PEG3: variants seen among roughly 807,000 people sequenced by gnomAD.
PEG3 encodes paternally-expressed gene 3 protein.
Under a neutral mutation model 35.5 loss-of-function variants are expected in PEG3, and 23 were observed. The observed-to-expected ratio is 0.65, with a 90% CI of 0.47 to 0.92. The LOEUF is 0.92. Ranked by LOEUF, PEG3 falls within the 40% of genes least tolerant of loss-of-function variation. PEG3 has a pLI of 0.00. For missense variants in PEG3, 1,960 were observed against 1,985.3 expected, an observed-to-expected ratio of 0.99 and a Z score of 0.24; for synonymous variants, 707 against 697.0, an observed-to-expected ratio of 1.01 and a Z score of -0.23.
chr19:56,840,155 C>T (rs1381065687), intron 1 of PEG3, among the ~76,000 whole-genome samples: 1 of 152,202 alleles, frequency 6.6e-6, no homozygotes. Context: ...CCGCATTCCG[C>T]CGTGGCAACA....
At position 56,815,276 on chromosome 19, in the gene PEG3, C is replaced by T. The variant is rs2059869580; in HGVS notation, c.3166G>A (p.Glu1056Lys). 2 of 1,614,246 alleles carry T rather than the reference C, an allele frequency of 1.2e-6. No individual in the cohort carries two copies. Among genetic ancestry groups the T allele is most frequent in the Non-Finnish European group, 1.7e-6 (2 of 1,180,048 alleles). ...TGAGACTCCTCGCCATGAGACTTCTCTTGGTCATAGATTTTCTGGTTTGTG... is the reference window on the plus strand; with the variant it reads ...TGAGACTCCTCGCCATGAGACTTCTTTTGGTCATAGATTTTCTGGTTTGTG... ...LNTNQKIYDQ[E>K]KSHGEESQGE... Residue 1056 changes from glutamate (E) to lysine (K), a missense_variant, in exon 10 of 10, where the codon GAG (glutamate) becomes AAG (lysine). Transcript: ENST00000326441.
intron 2 of PEG3, among the ~76,000 whole-genome samples, chr19:56,829,732 A>G (rs1241396017): frequency 1.3e-5 from 2 of 152,220 alleles, no homozygotes; most frequent in African/African-American, 4.8e-5. Context: ...AAGGGCAACT[A>G]GCAGTGGGGC....
chr19:56,834,742 C>T (rs760600493), intron 2 of PEG3, among the ~76,000 whole-genome samples: 4 of 152,140 alleles, frequency 2.6e-5, no homozygotes, highest in Non-Finnish European at 5.9e-5. Flanking sequence ...CCCAAGGGCT[C>T]ACCTGGTCAT....
chr19:56,834,246 G>A (rs1320741081), intron 2 of PEG3, among the ~76,000 whole-genome samples: 1 of 152,134 alleles, frequency 6.6e-6, no homozygotes, highest in Non-Finnish European at 1.5e-5. Flanking sequence ...ACTCTCATCA[G>A]ACCTAACTTG....
chr19:56,821,674 T>G lies in PEG3; in HGVS notation c.646A>C (p.Arg216=). 6.2e-7 allele frequency: 1 copy of G among 1,614,008 alleles called. No individual in the cohort carries two copies. The highest frequency in any genetic ancestry group is 8.5e-7 in the Non-Finnish European group (1 of 1,180,000). Residue 216 remains arginine (R), a synonymous_variant, in exon 7 of 10, where the codon AGG becomes CGG. Transcript: ENST00000326441. ...ACCTGAGATCGGGACTCATAAGCCC[T>G]GGAGTCCCTGTCGTCCTCTCTGTCC... ...EMDREDDRDS[R]AYESRSQDAE... is the part of the protein sequence containing the mutation.
intron 2 of PEG3, among the ~76,000 whole-genome samples, chr19:56,827,318 T>C (rs2061138328): frequency 6.6e-6 from 1 of 152,160 alleles, no homozygotes; most frequent in Admixed American, 6.5e-5. Context: ...AATCTTCCCT[T>C]AACATGCTCA....
chr19:56,838,603 C>T (rs1380512959), intron 1 of PEG3, among the ~76,000 whole-genome samples: 1 of 152,200 alleles, frequency 6.6e-6, no homozygotes. Context: ...AGGGGTGAGC[C>T]TCTGCCACCG....
In PEG3 at chr19:56,815,997, A is replaced by G; in HGVS notation, c.2445T>C (p.His815=). 1 of 1,587,778 alleles carries G rather than the reference A, an allele frequency of 6.3e-7. No individual in the cohort carries two copies. The highest frequency in any genetic ancestry group is 1.2e-5 in the South Asian group (1 of 86,162). The change falls in exon 10 of 10, where the codon CAT becomes CAC. Residue 815 remains histidine, a synonymous_variant. Coordinates refer to ENST00000326441, the MANE Select transcript of PEG3 (RefSeq NM_006210.3). ...STIQSFDAIN[H]QRVRAGGNTS... ...TGTTCCCTCCAGCACGAACTCTCTGATGGTTGATAGCATCGAAGCTCTGAA... is the reference window on the plus strand; with the variant it reads ...TGTTCCCTCCAGCACGAACTCTCTGGTGGTTGATAGCATCGAAGCTCTGAA...
intron 2 of PEG3, chr19:56,833,414 CCT>C (rs1453108394): frequency 5.9e-6 from 2 of 339,140 alleles, no homozygotes; most frequent in African/African-American, 4.3e-5. Flanking sequence ...CATTCTCCTG[CCT>C]CTCTCTGCAG....
At position 56,823,691 on chromosome 19, in the gene PEG3, C is replaced by G. The variant is rs1439916001; in HGVS notation, c.395-12G>C. 3 of 1,614,110 alleles carry G rather than the reference C, an allele frequency of 1.9e-6. No individual in the cohort carries two copies. Among genetic ancestry groups the G allele is most frequent in the Non-Finnish European group, 2.5e-6 (3 of 1,179,970 alleles). On this transcript the variant is annotated splice_polypyrimidine_tract_variant and intron_variant, in intron 4 of 9. Transcript: ENST00000326441. ...ACTGTTGTTGTCGTCTAAGAGGACA[C>G]CGGTCGCCAAGTTACTATCTCTGGC...
chr19:56,823,826 C>A lies in PEG3; in HGVS notation c.395-147G>T, dbSNP rs1348055578. 4.2e-6 allele frequency: 4 copies of A among 959,892 alleles called. No individual in the cohort carries two copies. The South Asian group carries it at 4.6e-5, about 11-fold the overall frequency. 59.5% of individuals were successfully genotyped at this position (959,892 alleles called of 1,614,324 possible). A position where few individuals can be genotyped will look rare whatever the true frequency, so the allele number is the denominator to read the frequency against. ...CATTTCTGAGTTCAAAACCCTTCAG[C>A]GGCTTCCAACCACTCCTGGCATACT... On this transcript the variant is annotated intron_variant, in intron 4 of 9. Coordinates refer to ENST00000326441, the MANE Select transcript of PEG3 (RefSeq NM_006210.3).
At chr19:56,823,342 G>A (rs1031355483) in intron 5 of PEG3, among the ~76,000 whole-genome samples, 1 of 152,200 alleles carries the variant, frequency 6.6e-6, no homozygotes, top group African/African-American at 2.4e-5. Context: ...GCAGCCTGTT[G>A]CAAATTCCAA....
chr19:56,814,279 T>C lies in PEG3; in HGVS notation c.4163A>G (p.Gln1388Arg). 1 of 1,613,224 alleles carries C rather than the reference T, an allele frequency of 6.2e-7. No homozygotes were observed. Among genetic ancestry groups the C allele is most frequent in the Admixed American group, 1.7e-5 (1 of 59,982 alleles). Residue 1388 changes from glutamine (Q) to arginine (R), a missense_variant, in exon 10 of 10, where the codon CAG (glutamine) becomes CGG (arginine). Transcript: ENST00000326441. The surrounding 1 kb of genome is among the most constrained non-coding windows in gnomAD (Gnocchi z 5.8). ...CTCAGCAGCCTCTACGTTTAAGCCC[T>C]GAATCCTCAGAACTACTTGTGGAAC... ...VHVPQVVLRI[Q>R]GLNVEAAEPE...
chr19:56,824,853 T>G lies in PEG3; in HGVS notation c.-86-112A>C, dbSNP rs939547502. 8.9e-6 allele frequency: 5 copies of G among 562,158 alleles called. No individual in the cohort carries two copies. In the East Asian group the frequency reaches 1.4e-4, roughly 16 times the overall value. The allele number at this position is 562,158 out of a possible 1,614,324, so 34.8% of individuals were successfully genotyped here. Reference sequence around the variant, plus strand: ...GCTTTTGGGATATGGGAGTCCCCAGTAAATAGGCAAACAACCGCACAAAGT... The same window carrying G: ...GCTTTTGGGATATGGGAGTCCCCAGGAAATAGGCAAACAACCGCACAAAGT... On this transcript the variant is annotated intron_variant, in intron 3 of 9. Transcript: ENST00000326441.
chr19:56,840,207 G>A (rs903660683), intron 1 of PEG3, among the ~76,000 whole-genome samples: 14 of 152,220 alleles, frequency 9.2e-5, no homozygotes, highest in Non-Finnish European at 1.6e-4. Flanking sequence ...TGCCGTGGCA[G>A]AGCCCCCGGC....
rs141987198 is a variant in PEG3 at position 56,814,236 on chromosome 19, G to A, written c.4206C>T (p.Ala1402=). ...GCTCAGCAGCCTCCACTTCTGGCTC[G>A]GCAGCCTCCACTTCTGGCTCAGCAG... ...VEAAEPEVEA[A]EPEVEAAEPE... is the part of the protein sequence containing the mutation. The change falls in exon 10 of 10, where the codon GCC becomes GCT. Residue 1402 remains alanine (A), a synonymous_variant. Transcript: ENST00000326441. This position sits in a 1 kb window ranked among gnomAD's most constrained non-coding sequence, Gnocchi z 5.8. The A allele has an allele frequency of 7.3e-5, 117 of 1,611,216 alleles. No homozygotes were observed. The highest frequency in any genetic ancestry group is 1.6e-4 in the African/African-American group (12 of 74,590).
Position 56,818,604 on chromosome 19 carries a change from G to C in PEG3, c.768C>G (p.Ser256=). Residue 256 remains serine, a synonymous_variant, in exon 8 of 10, where the codon TCC becomes TCG. Transcript: ENST00000326441. ...DNMENYRKLL[S]LVQLAEDDGH... ...CTGAGAGAAGCAGCTGCTTACCGAG[G>C]GAGAGCAGCTTCCTGTAGTTTTCCA... 3 of 1,614,092 alleles carry C rather than the reference G, an allele frequency of 1.9e-6. No homozygotes were observed. Among genetic ancestry groups the C allele is most frequent in the Non-Finnish European group, 2.5e-6 (3 of 1,180,022 alleles).
chr19:56,838,844 G>A (rs2062554096), intron 1 of PEG3, among the ~76,000 whole-genome samples: 1 of 152,152 alleles, frequency 6.6e-6, no homozygotes, highest in Admixed American at 6.5e-5. Context: ...AGCAACCGTG[G>A]CCCCGCCCCT....
At chr19:56,839,532 GC>G (rs967666676) in intron 1 of PEG3, among the ~76,000 whole-genome samples, 2 of 150,138 alleles carry the variant, frequency 1.3e-5, no homozygotes, top group Non-Finnish European at 3.0e-5. Context: ...AACCTCAGCA[GC>G]CCCCATCAAA....
Sources: gnomAD v4.1 joint callset for allele counts (sites outside exome capture counted in the v4.1 genomes callset) on GRCh38, gnomAD v4.1.1 for gene constraint, Gnocchi (gnomAD v3.1) non-coding constraint, MANE v1.5 for transcripts, NCBI Gene and HGNC (gene_info 2026-07-23, HGNC 2026-07-21) for gene names.